Variants in TMEM50B observed in about 807,000 individuals in gnomAD.
TMEM50B encodes HCV p7-trans-regulated protein 3.
In TMEM50B, 14 loss-of-function variants were observed where a neutral mutation model predicts 23.4. The ratio of observed to expected loss-of-function variants is 0.60; its 90% CI spans 0.39 to 0.93. The LOEUF is 0.93. Ranked by LOEUF, TMEM50B falls within the 40% of genes least tolerant of loss-of-function variation. TMEM50B has a pLI of 0.00. For missense variants in TMEM50B, 159 were observed against 193.0 expected, an observed-to-expected ratio of 0.82 and a Z score of 1.04; for synonymous variants, 64 against 62.3, an observed-to-expected ratio of 1.03 and a Z score of -0.13.
chr21:33,477,322 G>T (rs1253707688), intron 1 of TMEM50B, among the ~76,000 whole-genome samples: 1 of 151,562 alleles, frequency 6.6e-6, no homozygotes, highest in East Asian at 1.9e-4. Context: ...AAATGAGGTA[G>T]GTCTCCACGT....
intron 1 of TMEM50B, chr21:33,479,020 T>G: frequency 3.7e-6 from 1 of 268,670 alleles, no homozygotes; most frequent in South Asian, 2.4e-5. Context: ...CCCCTGCCCC[T>G]CCGCACCCCC....
At chr21:33,435,901 A>AT (rs1477565028) in intron 8 of TMEM50B, among the ~76,000 whole-genome samples, 1 of 148,900 alleles carries the variant, frequency 6.7e-6, no homozygotes, top group African/African-American at 2.5e-5. Flanking sequence ...AAAAAAAAAA[A>AT]AAAAAATTAG....
chr21:33,449,991 A>C lies in TMEM50B; in HGVS notation c.*827T>G, dbSNP rs2084102751. Reference sequence around the variant, plus strand: ...GGAATTCTTTTTAAAAGAAGCTTTCAAACTAGTCCTTTGGGCATTTAAAAA... The same window carrying C: ...GGAATTCTTTTTAAAAGAAGCTTTCCAACTAGTCCTTTGGGCATTTAAAAA... On this transcript the variant is annotated 3_prime_UTR_variant, in exon 7 of 7. Transcript: ENST00000542230. 6.6e-6 allele frequency: 1 copy of C among 152,594 alleles called. No homozygotes were observed. The highest frequency in any genetic ancestry group is 2.4e-5 in the African/African-American group (1 of 41,450). The allele number at this position is 152,594 out of a possible 1,614,324, so 9.5% of individuals were successfully genotyped here. A position where few individuals can be genotyped will look rare whatever the true frequency, so the allele number is the denominator to read the frequency against.
chr21:33,437,028 C>G, intron 8 of TMEM50B: 1 of 1,556,952 alleles, frequency 6.4e-7, no homozygotes, highest in Non-Finnish European at 8.8e-7. Flanking sequence ...TGCTAGAGTT[C>G]TGTCTGGACT....
chr21:33,464,002 T>C (rs1356117246), intron 4 of TMEM50B, among the ~76,000 whole-genome samples: 4 of 151,870 alleles, frequency 2.6e-5, no homozygotes, highest in Non-Finnish European at 5.9e-5. Context: ...AAAGAAAAAA[T>C]ATACACGTGA....
At position 33,467,108 on chromosome 21, in the gene TMEM50B, C is replaced by T; in HGVS notation, c.114G>A (p.Trp38Ter). The T allele has an allele frequency of 6.2e-7, 1 of 1,614,094 alleles. No individual in the cohort carries two copies. The highest frequency in any genetic ancestry group is 8.5e-7 in the Non-Finnish European group (1 of 1,179,984). Reference sequence around the variant, plus strand: ...CCACAGCTGCATCAATCATTATCCACCAGCCTGTAAAAAACTTAAAACACA... The same window carrying T: ...CCACAGCTGCATCAATCATTATCCATCAGCCTGTAAAAAACTTAAAACACA... Reference protein sequence around the residue: ...VVAGILFFTGWWIMIDAAVVY... With the variant: ...VVAGILFFTG Residue 38 changes from tryptophan to a stop codon, truncating the protein, a stop_gained, in exon 3 of 7, where the codon TGG (tryptophan) becomes TGA (stop). Coordinates refer to ENST00000542230, the MANE Select transcript of TMEM50B (RefSeq NM_006134.7). LOFTEE classifies it high-confidence loss of function.
At chr21:33,462,023 A>C (rs1487157969) in intron 4 of TMEM50B, among the ~76,000 whole-genome samples, 1 of 152,200 alleles carries the variant, frequency 6.6e-6, no homozygotes, top group Non-Finnish European at 1.5e-5. Context: ...TTTGGCTACA[A>C]GGAAGCTCTG....
chr21:33,446,427 G>A (rs1211215816), downstream of TMEM50B, among the ~76,000 whole-genome samples: 2 of 149,890 alleles, frequency 1.3e-5, no homozygotes, highest in Non-Finnish European at 1.5e-5. Context: ...TAGTAGAGAT[G>A]GGTTTCACTA....
intron 8 of TMEM50B, chr21:33,432,805 G>A: frequency 1.2e-6 from 2 of 1,613,856 alleles, no homozygotes; most frequent in Non-Finnish European, 1.7e-6. Context: ...TCCTGGTCCT[G>A]AAATATAGAG....
At chr21:33,435,632 C>T (rs1223014592) in intron 8 of TMEM50B, among the ~76,000 whole-genome samples, 1 of 151,858 alleles carries the variant, frequency 6.6e-6, no homozygotes, top group Non-Finnish European at 1.5e-5. Flanking sequence ...TGCCTGTAAT[C>T]CCAGCACTTT....
At chr21:33,447,792 T>A (rs982769841), downstream of TMEM50B, among the ~76,000 whole-genome samples, 1 of 151,304 alleles carries the variant, frequency 6.6e-6, no homozygotes, top group African/African-American at 2.4e-5. Context: ...AATACAAGGA[T>A]CTTAGAGCAA....
At chr21:33,473,150 G>A (rs569739659) in intron 1 of TMEM50B, among the ~76,000 whole-genome samples, 2 of 143,602 alleles carry the variant, frequency 1.4e-5, no homozygotes, top group Admixed American at 6.9e-5. Context: ...TGTTAATAAC[G>A]CTTTAAGACA....
Position 33,465,387 on chromosome 21 carries a change from G to T in TMEM50B, c.235C>A (p.Gln79Lys), listed in dbSNP as rs1272947878. The change falls in exon 4 of 7, where the codon CAG (glutamine) becomes AAG (lysine). Residue 79 changes from glutamine to lysine, a missense_variant. Gln to Lys is a moderately conservative substitution (Grantham distance 53). Transcript: ENST00000542230. ...FFMINAVSNA[Q>K]VRGDSYESGC... ...CTTTCATAGCTATCACCTCTCACCTGAGCATTGGATACAGCATTTATCCTA... is the reference window on the plus strand; with the variant it reads ...CTTTCATAGCTATCACCTCTCACCTTAGCATTGGATACAGCATTTATCCTA... 1.2e-6 allele frequency: 2 copies of T among 1,612,484 alleles called. No homozygotes were observed. Among genetic ancestry groups the T allele is most frequent in the South Asian group, 1.1e-5 (1 of 90,860 alleles).
At chr21:33,470,430 A>G (rs1049243982) in intron 1 of TMEM50B, among the ~76,000 whole-genome samples, 6 of 149,482 alleles carry the variant, frequency 4.0e-5, no homozygotes, top group African/African-American at 1.5e-4. Context: ...GTCTCAAAAA[A>G]AAAAAAAAAA....
chr21:33,473,273 A>G (rs1478094918), intron 1 of TMEM50B, among the ~76,000 whole-genome samples: 2 of 151,748 alleles, frequency 1.3e-5, no homozygotes, highest in African/African-American at 4.8e-5. Flanking sequence ...GGCAACATGG[A>G]GAAACCCCAT....
chr21:33,462,876 T>C (rs956022279), intron 4 of TMEM50B, among the ~76,000 whole-genome samples: 1 of 152,244 alleles, frequency 6.6e-6, no homozygotes, highest in African/African-American at 2.4e-5. Context: ...CGCATGCGCA[T>C]ACACACACAT....
chr21:33,459,009 A>G (rs1301526854), intron 5 of TMEM50B, among the ~76,000 whole-genome samples: 1 of 152,212 alleles, frequency 6.6e-6, no homozygotes, highest in Non-Finnish European at 1.5e-5. Context: ...AAAGTATTCA[A>G]AAACCAGCTG....
At chr21:33,472,227 C>T (rs1388060703) in intron 1 of TMEM50B, among the ~76,000 whole-genome samples, 2 of 151,288 alleles carry the variant, frequency 1.3e-5, no homozygotes, top group African/African-American at 4.9e-5. Context: ...ACTAAAAATA[C>T]AAAAACTTAG....
intron 8 of TMEM50B, chr21:33,433,006 C>T: frequency 2.7e-6 from 2 of 750,534 alleles, no homozygotes; most frequent in East Asian, 2.7e-5. Flanking sequence ...CTGCCTCAGC[C>T]TCCTGAGTAG....
Sources: allele counts gnomAD v4.1 joint callset (sites outside exome capture counted in the v4.1 genomes callset), GRCh38; gene constraint gnomAD v4.1.1; transcripts MANE v1.5; gene names NCBI Gene and HGNC (gene_info 2026-07-23, HGNC 2026-07-21).